The following PPARGC1A variants were observed in gnomAD, a reference collection of about 807,000 sequenced individuals.
The protein encoded by PPARGC1A is peroxisome proliferator-activated receptor gamma coactivator 1-alpha.
A neutral mutation model predicts 88.7 loss-of-function variants in PPARGC1A; 25 were observed. That is an observed-to-expected ratio of 0.28 (90% CI 0.21 to 0.39). The LOEUF is 0.39. Ranked by LOEUF, PPARGC1A falls within the 10% of genes least tolerant of loss-of-function variation. The pLI is 1.00. For synonymous variants in PPARGC1A, 363 were observed against 355.6 expected (o/e 1.02, Z -0.24); for missense variants, 880 against 968.7 (o/e 0.91, Z 1.22).
chr4:24,337,342 C>T, the PPARGC1A span, among the ~76,000 whole-genome samples: 1 of 152,172 alleles, frequency 6.6e-6, no homozygotes, highest in Non-Finnish European at 1.5e-5. Flanking sequence ...TTCAACCACT[C>T]GTGAACAGCT....
the PPARGC1A span, among the ~76,000 whole-genome samples, chr4:24,381,767 C>A: frequency 6.6e-6 from 1 of 152,164 alleles, no homozygotes; most frequent in South Asian, 2.1e-4. Flanking sequence ...TGCTGAATAG[C>A]CAAGATGTTT....
At chr4:24,274,189 C>A in the PPARGC1A span, among the ~76,000 whole-genome samples, 125,773 of 152,032 alleles carry the variant, frequency 0.83, 52,198 homozygotes, top group East Asian at 1. Context: ...AACTTTTTTA[C>A]CCAAGAAGTA....
chr4:23,850,845 G>C lies in PPARGC1A; in HGVS notation c.235-19094C>G, dbSNP rs375075091. ...CATGTGTCTGAGTAGGAATTCAAAT[G>C]CTGGTTCCCCTCTTTTCAGTGACCC... On this transcript the variant is annotated intron_variant, in intron 2 of 12. Coordinates refer to ENST00000264867, the MANE Select transcript of PPARGC1A (RefSeq NM_013261.5). Among the ~76,000 whole-genome samples, 6 of 152,296 alleles carry C rather than the reference G, an allele frequency of 3.9e-5. No homozygotes were observed. In the South Asian group the frequency reaches 1.2e-3, roughly 32 times the overall value.
chr4:23,801,104 C>T (rs1039159305), intron 12 of PPARGC1A, among the ~76,000 whole-genome samples: 2 of 151,472 alleles, frequency 1.3e-5, no homozygotes, highest in African/African-American at 4.9e-5. Flanking sequence ...ATGAGACTTG[C>T]ATATTCTGTT....
the PPARGC1A span, among the ~76,000 whole-genome samples, chr4:24,212,725 G>A: frequency 9.2e-5 from 14 of 152,292 alleles, no homozygotes; most frequent in Admixed American, 7.8e-4. Flanking sequence ...CACAAGGCCT[G>A]CTTCTAGAAA....
the PPARGC1A span, among the ~76,000 whole-genome samples, chr4:24,287,269 G>T: frequency 6.6e-6 from 1 of 151,654 alleles, no homozygotes; most frequent in Non-Finnish European, 1.5e-5. Flanking sequence ...ATTCCCAGTC[G>T]AGAATCACTG....
the PPARGC1A span, among the ~76,000 whole-genome samples, chr4:23,912,564 C>G: frequency 1.1e-4 from 17 of 152,020 alleles, no homozygotes; most frequent in South Asian, 2.1e-4. Flanking sequence ...GATGACCCTC[C>G]ATAATATGGG....
At chr4:23,936,066 C>T in the PPARGC1A span, among the ~76,000 whole-genome samples, 1 of 151,706 alleles carries the variant, frequency 6.6e-6, no homozygotes, top group Non-Finnish European at 1.5e-5. Context: ...CTATGTACAT[C>T]GAGGAAAAAA....
the PPARGC1A span, among the ~76,000 whole-genome samples, chr4:24,239,898 TCTAC>T: frequency 2.2e-3 from 341 of 152,196 alleles, 1 homozygote; most frequent in African/African-American, 8.0e-3. Flanking sequence ...AGGAGTTTCT[TCTAC>T]CTGTCTCGCT....
At chr4:24,288,453 G>A in the PPARGC1A span, among the ~76,000 whole-genome samples, 1 of 152,124 alleles carries the variant, frequency 6.6e-6, no homozygotes, top group African/African-American at 2.4e-5. Flanking sequence ...ATCAACTAAG[G>A]GGCAGTAGTC....
At chr4:23,829,433 C>T in intron 4 of PPARGC1A, 30 bp downstream of exon 4, 1 of 1,607,344 alleles carries the variant, frequency 6.2e-7, no homozygotes, top group Non-Finnish European at 8.5e-7. Context: ...TTGGTACATC[C>T]CCCCTGTATT....
the PPARGC1A span, among the ~76,000 whole-genome samples, chr4:24,225,235 A>C: frequency 6.6e-6 from 1 of 152,168 alleles, no homozygotes; most frequent in Admixed American, 6.5e-5. Context: ...TTAATAACCT[A>C]GCTAACAGGC....
chr4:23,930,114 CTAGA>C, the PPARGC1A span, among the ~76,000 whole-genome samples: 1 of 151,980 alleles, frequency 6.6e-6, no homozygotes, highest in Non-Finnish European at 1.5e-5. Flanking sequence ...GAATTTTTAC[CTAGA>C]TATTCTGTTT....
At chr4:24,237,244 T>G in the PPARGC1A span, among the ~76,000 whole-genome samples, 1 of 148,132 alleles carries the variant, frequency 6.8e-6, no homozygotes, top group African/African-American at 2.5e-5. Context: ...GAGATTGGAT[T>G]TTTTTTTTTT....
At chr4:24,001,485 G>C in the PPARGC1A span, among the ~76,000 whole-genome samples, 3 of 152,022 alleles carry the variant, frequency 2.0e-5, no homozygotes, top group African/African-American at 7.2e-5. Context: ...TCAAAAACCT[G>C]ATCCATTGTG....
chr4:24,092,255 C>A, the PPARGC1A span, among the ~76,000 whole-genome samples: 2 of 152,072 alleles, frequency 1.3e-5, no homozygotes, highest in African/African-American at 4.8e-5. Context: ...AACCCCTTTT[C>A]TAAATCAGTA....
At chr4:23,960,504 T>G in the PPARGC1A span, among the ~76,000 whole-genome samples, 1 of 152,070 alleles carries the variant, frequency 6.6e-6, no homozygotes, top group Non-Finnish European at 1.5e-5. Context: ...TGGCTCCTAT[T>G]TTGAAAGGTA....
At chr4:24,387,886 GAAAGAAAGAA>G in the PPARGC1A span, among the ~76,000 whole-genome samples, 3 of 114,352 alleles carry the variant, frequency 2.6e-5, no homozygotes, top group African/African-American at 1.0e-4. Flanking sequence ...GAGAAAGAAA[GAAAGAAAGAA>G]AAAGAAAGAG....
At chr4:24,013,486 G>A in the PPARGC1A span, among the ~76,000 whole-genome samples, 1 of 152,032 alleles carries the variant, frequency 6.6e-6, no homozygotes, top group Non-Finnish European at 1.5e-5. Context: ...AAGTTCACAA[G>A]TGGTCATTTT....
Sources: gnomAD v4.1 joint callset for allele counts (sites outside exome capture counted in the v4.1 genomes callset) on GRCh38, gnomAD v4.1.1 for gene constraint, MANE v1.5 for transcripts, NCBI Gene and HGNC (gene_info 2026-07-23, HGNC 2026-07-21) for gene names.